Variants in FHIT observed in about 807,000 individuals in gnomAD.
The protein encoded by FHIT is fragile histidine triad diadenosine triphosphatase, also known as bis(5'-adenosyl)-triphosphatase.
In FHIT, 19 loss-of-function variants were observed where a neutral mutation model predicts 17.9. The ratio of observed to expected loss-of-function variants is 1.06; its 90% CI spans 0.74 to 1.56. The LOEUF is 1.56. FHIT is among the 40% of genes most tolerant of loss of function. The pLI is 0.00. For missense variants in FHIT, 248 were observed against 189.2 expected, an observed-to-expected ratio of 1.31 and a Z score of -1.82; for synonymous variants, 81 against 69.7, an observed-to-expected ratio of 1.16 and a Z score of -0.81.
intron 5 of FHIT, among the ~76,000 whole-genome samples, chr3:60,297,759 A>T (rs1022519042): frequency 1.3e-5 from 2 of 152,092 alleles, no homozygotes; most frequent in South Asian, 4.1e-4. Context: ...CTCACACCAG[A>T]TTCTCCAACA....
intron 7 of FHIT, among the ~76,000 whole-genome samples, chr3:59,997,217 A>G (rs1037843130): frequency 4.3e-4 from 66 of 152,154 alleles, no homozygotes; most frequent in African/African-American, 9.9e-4. Flanking sequence ...GATAAAAATC[A>G]TGCCATGTAC....
chr3:60,385,891 A>C lies in FHIT; in HGVS notation c.103+150969T>G, dbSNP rs189109178. Among the ~76,000 whole-genome samples, 9 of 152,274 alleles carry C rather than the reference A, an allele frequency of 5.9e-5. No individual in the cohort carries two copies. In the East Asian group the frequency reaches 1.5e-3, roughly 26 times the overall value. On this transcript the variant is annotated intron_variant, in intron 5 of 9. Coordinates refer to ENST00000492590, the MANE Select transcript of FHIT (RefSeq NM_002012.4). ...CTGTGCCTGGTCCATATAAGATTTT[A>C]GAGTATTACTCTAAGAGATTAACCC... is the stretch of plus-strand genomic sequence containing the variant.
chr3:60,215,903 T>C (rs1039624836), intron 5 of FHIT, among the ~76,000 whole-genome samples: 7 of 152,202 alleles, frequency 4.6e-5, no homozygotes, highest in Non-Finnish European at 7.3e-5. Context: ...TAATTTTGAA[T>C]CTATTTTCCA....
At chr3:60,828,887 CAAAT>C (rs1434839878) in intron 3 of FHIT, among the ~76,000 whole-genome samples, 3 of 151,918 alleles carry the variant, frequency 2.0e-5, no homozygotes, top group Non-Finnish European at 4.4e-5. Context: ...TCAAAACAAA[CAAAT>C]AAACAAACAA....
intron 4 of FHIT, among the ~76,000 whole-genome samples, chr3:60,622,603 G>A (rs1404708658): frequency 6.6e-6 from 1 of 152,178 alleles, no homozygotes; most frequent in Non-Finnish European, 1.5e-5. Flanking sequence ...TAAATCCAAT[G>A]TCAACACTTC....
chr3:60,849,914 C>T (rs1553747739), intron 3 of FHIT, among the ~76,000 whole-genome samples: 1 of 152,060 alleles, frequency 6.6e-6, no homozygotes, highest in East Asian at 1.9e-4. Context: ...CCCACTTCTA[C>T]TTCTTCTCTT....
chr3:59,885,013 A>G (rs904320577), intron 8 of FHIT, among the ~76,000 whole-genome samples: 1 of 152,206 alleles, frequency 6.6e-6, no homozygotes, highest in African/African-American at 2.4e-5. Flanking sequence ...AGAAAAATTC[A>G]CCAAAACAAA....
At chr3:60,951,659 C>T (rs782479457) in intron 3 of FHIT, among the ~76,000 whole-genome samples, 14 of 152,284 alleles carry the variant, frequency 9.2e-5, no homozygotes, top group Admixed American at 3.9e-4. Flanking sequence ...ACCAGCACAA[C>T]GCTCTCGGAG....
At chr3:60,536,575 T>C (rs1576833093) in intron 5 of FHIT, 1 of 312,966 alleles carries the variant, frequency 3.2e-6, no homozygotes, top group Non-Finnish European at 5.8e-6. Flanking sequence ...TACTCAGCTA[T>C]GGTAGTGAAA....
At chr3:60,679,603 T>C (rs1716729) in intron 4 of FHIT, among the ~76,000 whole-genome samples, 1 of 152,018 alleles carries the variant, frequency 6.6e-6, no homozygotes, top group African/African-American at 2.4e-5. Context: ...ACAATTTCAC[T>C]GTTTACTGAC....
At chr3:59,856,962 G>A (rs1702184507) in intron 8 of FHIT, among the ~76,000 whole-genome samples, 1 of 151,976 alleles carries the variant, frequency 6.6e-6, no homozygotes, top group Non-Finnish European at 1.5e-5. Context: ...ACTGAGTCAA[G>A]TGGAATTTCA....
intron 2 of FHIT, among the ~76,000 whole-genome samples, chr3:61,044,527 G>C (rs62268697): frequency 9.9e-5 from 15 of 151,396 alleles, no homozygotes; most frequent in African/African-American, 3.6e-4. Flanking sequence ...TGAAAGTGAT[G>C]AGGAGAATGG....
chr3:60,744,263 CAAAACA>C (rs1215086412), intron 4 of FHIT, among the ~76,000 whole-genome samples: 1,035 of 85,970 alleles, frequency 0.012, 27 homozygotes, highest in Non-Finnish European at 0.018. Context: ...AAAAACAAAA[CAAAACA>C]AAAAAAAAAA....
At chr3:59,799,632 C>G (rs890278149) in intron 8 of FHIT, among the ~76,000 whole-genome samples, 1 of 152,072 alleles carries the variant, frequency 6.6e-6, no homozygotes, top group South Asian at 2.1e-4. Context: ...ATCCCATAAA[C>G]TTTATTTTGG....
At chr3:59,976,554 GAGAAAA>G (rs1559513487) in intron 7 of FHIT, among the ~76,000 whole-genome samples, 1 of 151,826 alleles carries the variant, frequency 6.6e-6, no homozygotes, top group Non-Finnish European at 1.5e-5. Flanking sequence ...AATGAAGAAA[GAGAAAA>G]AGAAAAAGGG....
intron 8 of FHIT, among the ~76,000 whole-genome samples, chr3:59,833,463 AC>A (rs1345797522): frequency 1.3e-5 from 2 of 152,174 alleles, no homozygotes; most frequent in Non-Finnish European, 2.9e-5. Context: ...GAAGCTATAA[AC>A]CAAAGGCAAG....
intron 2 of FHIT, among the ~76,000 whole-genome samples, chr3:61,073,889 A>C (rs1466467245): frequency 1.3e-5 from 2 of 152,092 alleles, no homozygotes; most frequent in Non-Finnish European, 2.9e-5. Context: ...CCAGCTCTTC[A>C]TTACCTCCTT....
chr3:60,114,583 T>G (rs1412134348), intron 5 of FHIT, among the ~76,000 whole-genome samples: 1 of 139,560 alleles, frequency 7.2e-6, no homozygotes, highest in South Asian at 2.5e-4. Flanking sequence ...ACTCTTCACC[T>G]CCTGGACTCA....
At chr3:60,371,995 T>C (rs1317443695) in intron 5 of FHIT, among the ~76,000 whole-genome samples, 1 of 152,148 alleles carries the variant, frequency 6.6e-6, no homozygotes, top group Non-Finnish European at 1.5e-5. Context: ...ACACTTCCTA[T>C]TCTTTCATAC....
Sources: gnomAD v4.1 joint callset for allele counts (sites outside exome capture counted in the v4.1 genomes callset) on GRCh38, gnomAD v4.1.1 for gene constraint, MANE v1.5 for transcripts, NCBI Gene and HGNC (gene_info 2026-07-23, HGNC 2026-07-21) for gene names.